Variants in FRMD4A observed in about 807,000 individuals in gnomAD.
FRMD4A encodes the protein FERM domain-containing protein 4A.
In FRMD4A, 29 loss-of-function variants were observed where a neutral mutation model predicts 129.1. The observed-to-expected ratio is 0.22, with a 90% CI of 0.17 to 0.31. The LOEUF (loss-of-function observed/expected upper bound fraction) is 0.31, where lower values mean the gene tolerates loss of function less well. FRMD4A is among the 10% of genes least tolerant of loss of function. FRMD4A has a pLI of 1.00. For synonymous variants in FRMD4A, 634 were observed against 571.6 expected, an observed-to-expected ratio of 1.11 and a Z score of -1.56; for missense variants, 1,272 against 1,375.8, an observed-to-expected ratio of 0.92 and a Z score of 1.19.
At chr10:14,162,118 T>C (rs757519646) in intron 2 of FRMD4A, among the ~76,000 whole-genome samples, 5 of 152,086 alleles carry the variant, frequency 3.3e-5, no homozygotes, top group Non-Finnish European at 5.9e-5. Flanking sequence ...TATATATACA[T>C]ATTTTTTGTA....
At chr10:13,701,234 G>A (rs965726109) in intron 14 of FRMD4A, 106 bp downstream of exon 14, 2 of 999,352 alleles carry the variant, frequency 2.0e-6, no homozygotes, top group East Asian at 4.8e-5. Context: ...TGCAAGGTAT[G>A]GACCCGGGCA....
At chr10:14,218,778 A>C (rs1843153032) in intron 2 of FRMD4A, among the ~76,000 whole-genome samples, 1 of 151,868 alleles carries the variant, frequency 6.6e-6, no homozygotes, top group Non-Finnish European at 1.5e-5. Context: ...AACATGGTGA[A>C]ACTCTATCTC....
intron 2 of FRMD4A, among the ~76,000 whole-genome samples, chr10:14,023,519 C>T (rs1054283096): frequency 1.3e-5 from 2 of 152,136 alleles, no homozygotes; most frequent in African/African-American, 4.8e-5. Flanking sequence ...CCGGGGGCAG[C>T]GCAGTGTTGT....
intron 3 of FRMD4A, among the ~76,000 whole-genome samples, chr10:13,858,582 A>C (rs1020238550): frequency 6.6e-6 from 1 of 152,252 alleles, no homozygotes; most frequent in Admixed American, 6.5e-5. Flanking sequence ...AAGAATAGCT[A>C]AGGGCATTGT....
rs1214661957 is a variant in FRMD4A, at chr10:14,009,484, A to G, written c.46-150572T>C. On this transcript the variant is annotated intron_variant, in intron 2 of 24. Coordinates refer to ENST00000357447, the MANE Select transcript of FRMD4A (RefSeq NM_018027.5). ...AGCTTTGAGACACTGTCTGCAGACC[A>G]GTGTGCTTACTTCATTGAAAATGAC... Among the ~76,000 whole-genome samples the G allele has an allele frequency of 2.3e-4, 35 of 152,200 alleles. 1 individual carries two copies. Among genetic ancestry groups the G allele is most frequent in the Admixed American group, 2.2e-3 (34 of 15,278 alleles).
intron 15 of FRMD4A, among the ~76,000 whole-genome samples, chr10:13,687,121 T>A (rs991140102): frequency 6.6e-6 from 1 of 152,044 alleles, no homozygotes; most frequent in Non-Finnish European, 1.5e-5. Flanking sequence ...TGAAACCCCA[T>A]CTCTACTAAA....
intron 9 of FRMD4A, among the ~76,000 whole-genome samples, chr10:13,742,487 G>A (rs2091065466): frequency 6.6e-6 from 1 of 152,140 alleles, no homozygotes; most frequent in Non-Finnish European, 1.5e-5. Context: ...GATTCTAGGG[G>A]TGTACCCTCG....
intron 2 of FRMD4A, among the ~76,000 whole-genome samples, chr10:14,031,273 T>G (rs1565197804): frequency 6.6e-6 from 1 of 151,974 alleles, no homozygotes; most frequent in Admixed American, 6.5e-5. Context: ...ATAGACATTT[T>G]TTTTTTTTTT....
At chr10:13,854,851 T>A (rs1442119457) in intron 3 of FRMD4A, among the ~76,000 whole-genome samples, 2 of 152,194 alleles carry the variant, frequency 1.3e-5, no homozygotes, top group Admixed American at 6.5e-5. Context: ...CCTGCATGTG[T>A]CCACAACCAA....
At chr10:14,020,027 A>G (rs934893377) in intron 2 of FRMD4A, among the ~76,000 whole-genome samples, 4 of 152,234 alleles carry the variant, frequency 2.6e-5, no homozygotes, top group African/African-American at 4.8e-5. Flanking sequence ...AACGAGATGC[A>G]GACAGACAAA....
chr10:13,972,726 A>T (rs910691888), intron 2 of FRMD4A, among the ~76,000 whole-genome samples: 2 of 152,242 alleles, frequency 1.3e-5, no homozygotes, highest in South Asian at 4.1e-4. Context: ...ATCCTAATTC[A>T]ATAAATTACA....
At chr10:14,216,657 C>G (rs1404703434) in intron 2 of FRMD4A, among the ~76,000 whole-genome samples, 1 of 152,150 alleles carries the variant, frequency 6.6e-6, no homozygotes, top group African/African-American at 2.4e-5. Context: ...CGTTCGCCAG[C>G]AAGTCCTTCT....
chr10:13,791,402 G>GGTGTGT (rs3032915), intron 5 of FRMD4A, among the ~76,000 whole-genome samples: 4,213 of 150,008 alleles, frequency 0.028, 74 homozygotes, highest in Middle Eastern at 0.062. Context: ...AGAAATAAAA[G>GGTGTGT]GTGTGTGTGT....
chr10:14,053,487 C>T (rs888556635), intron 2 of FRMD4A, among the ~76,000 whole-genome samples: 3 of 152,176 alleles, frequency 2.0e-5, no homozygotes, highest in African/African-American at 4.8e-5. Flanking sequence ...AGCTGGAATG[C>T]TCTCATTTTC....
chr10:13,782,844 G>C, intron 6 of FRMD4A, 78 bp downstream of exon 6: 1 of 783,260 alleles, frequency 1.3e-6, no homozygotes, highest in Non-Finnish European at 2.4e-6. Context: ...ATGGCCTAAG[G>C]GGTAACACTT....
chr10:14,260,008 A>G (rs1844743977), intron 2 of FRMD4A, among the ~76,000 whole-genome samples: 2 of 147,204 alleles, frequency 1.4e-5, no homozygotes, highest in East Asian at 2.0e-4. Context: ...TGTCATAGAT[A>G]TAGTCTAGAA....
At chr10:13,734,065 C>A (rs1221589126) in intron 12 of FRMD4A, among the ~76,000 whole-genome samples, 1 of 152,230 alleles carries the variant, frequency 6.6e-6, no homozygotes, top group East Asian at 1.9e-4. Flanking sequence ...CCTCATCTGT[C>A]ACTCCCAGAC....
intron 2 of FRMD4A, among the ~76,000 whole-genome samples, chr10:14,170,704 C>T (rs971765129): frequency 7.2e-5 from 11 of 152,076 alleles, no homozygotes; most frequent in Admixed American, 2.0e-4. Flanking sequence ...CTCTATTTAC[C>T]GCACAAACAT....
intron 2 of FRMD4A, among the ~76,000 whole-genome samples, chr10:13,938,574 G>A (rs2095266656): frequency 6.6e-6 from 1 of 151,978 alleles, no homozygotes. Flanking sequence ...ACTACTTTTT[G>A]CTCTGTTCTT....
Sources: gnomAD v4.1 joint callset for allele counts (sites outside exome capture counted in the v4.1 genomes callset) on GRCh38, gnomAD v4.1.1 for gene constraint, MANE v1.5 for transcripts, NCBI Gene and HGNC (gene_info 2026-07-23, HGNC 2026-07-21) for gene names.